Variants in ANXA4 observed in about 807,000 individuals in gnomAD.
ANXA4 encodes annexin A4, also known as 35-beta calcimedin.
In ANXA4, 39 loss-of-function variants were observed where a neutral mutation model predicts 49.8. That is an observed-to-expected ratio of 0.78 (90% confidence interval 0.61 to 1.02). The LOEUF (loss-of-function observed/expected upper bound fraction) is 1.02, where lower values mean the gene tolerates loss of function less well. Among genes scored for constraint, ANXA4 ranks in the 50% least tolerant of loss-of-function variants. ANXA4 has a pLI of 0.00. For synonymous variants in ANXA4, 134 were observed against 152.5 expected (o/e 0.88, Z 0.89); for missense variants, 360 against 410.1 (o/e 0.88, Z 1.05).
At chr2:69,736,096 G>A (rs1207510181) in intron 3 of ANXA4, among the ~76,000 whole-genome samples, 1 of 152,148 alleles carries the variant, frequency 6.6e-6, no homozygotes, top group African/African-American at 2.4e-5. Flanking sequence ...AGATGACCAG[G>A]TCTCCTTTTA....
At chr2:69,740,863 T>TTG (rs1670375744), upstream of ANXA4, among the ~76,000 whole-genome samples, 1 of 148,038 alleles carries the variant, frequency 6.8e-6, no homozygotes. Context: ...ATGTTTTTTT[T>TTG]TTTTTTTTTT....
At chr2:69,758,035 T>A (rs535350811) in intron 1 of ANXA4, among the ~76,000 whole-genome samples, 202 of 151,870 alleles carry the variant, frequency 1.3e-3, no homozygotes, top group Non-Finnish European at 2.2e-3. Flanking sequence ...CCCAATATTG[T>A]GTCTTACTCT....
In ANXA4 at chr2:69,785,197, C is replaced by T. The variant is rs568061669; in HGVS notation, c.10-2857C>T. On this transcript the variant is annotated intron_variant, in intron 2 of 12. Coordinates refer to ENST00000394295, the MANE Select transcript of ANXA4 (RefSeq NM_001153.5). ...GCCTGGTCTTGCAGCAGAGAAGGCCCGTGCCCTGGGTACCTGAGGACTTGG... is the reference window on the plus strand; with the variant it reads ...GCCTGGTCTTGCAGCAGAGAAGGCCTGTGCCCTGGGTACCTGAGGACTTGG... 2.9e-4 allele frequency among the ~76,000 whole-genome samples: 44 copies of T among 152,284 alleles called. No individual in the cohort carries two copies. The East Asian group carries it at 3.7e-3, about 13-fold the overall frequency.
intron 2 of ANXA4, among the ~76,000 whole-genome samples, chr2:69,782,008 C>T (rs1436652964): frequency 6.6e-6 from 1 of 152,140 alleles, no homozygotes; most frequent in Non-Finnish European, 1.5e-5. Context: ...TTGGCTGCCT[C>T]CTGCTTTAGA....
chr2:69,763,616 T>C (rs1671382416), intron 1 of ANXA4, among the ~76,000 whole-genome samples: 1 of 151,994 alleles, frequency 6.6e-6, no homozygotes, highest in Non-Finnish European at 1.5e-5. Flanking sequence ...GACAAACTGA[T>C]ATTATTTTTA....
At chr2:69,816,693 A>T (rs1674009022) in intron 9 of ANXA4, 1 of 152,492 alleles carries the variant, frequency 6.6e-6, no homozygotes, top group Non-Finnish European at 1.5e-5. Flanking sequence ...TGATAAATAT[A>T]AACTTTGTAA....
intron 2 of ANXA4, among the ~76,000 whole-genome samples, chr2:69,717,190 T>C (rs943937631): frequency 3.7e-4 from 56 of 152,286 alleles, no homozygotes; most frequent in African/African-American, 1.3e-3. Flanking sequence ...GCCCACTGAA[T>C]AGGAACATGC....
At chr2:69,795,290 G>A (rs1257329367) in intron 3 of ANXA4, among the ~76,000 whole-genome samples, 1 of 152,210 alleles carries the variant, frequency 6.6e-6, no homozygotes, top group African/African-American at 2.4e-5. Context: ...TCTGGCCGGA[G>A]GGATCCTTAC....
intron 2 of ANXA4, among the ~76,000 whole-genome samples, chr2:69,692,935 G>A (rs1366307192): frequency 6.6e-6 from 1 of 152,156 alleles, no homozygotes; most frequent in Non-Finnish European, 1.5e-5. Flanking sequence ...TACTCTAAGT[G>A]TGTATCACCC....
intron 3 of ANXA4, among the ~76,000 whole-genome samples, chr2:69,802,709 CAAAAA>C (rs777864730): frequency 8.2e-6 from 1 of 122,100 alleles, no homozygotes. Context: ...GACTCTGTCT[CAAAAA>C]AAAAAAAAAA....
intron 1 of ANXA4, among the ~76,000 whole-genome samples, chr2:69,763,695 C>T (rs941067396): frequency 5.4e-5 from 8 of 147,346 alleles, no homozygotes; most frequent in Non-Finnish European, 1.2e-4. Flanking sequence ...TAGAGTCTCG[C>T]TCTGTTGCCC....
At chr2:69,790,538 C>A (rs1351920878) in intron 3 of ANXA4, among the ~76,000 whole-genome samples, 1 of 152,116 alleles carries the variant, frequency 6.6e-6, no homozygotes, top group African/African-American at 2.4e-5. Flanking sequence ...AGGCCGTAAC[C>A]ATGACAACAG....
chr2:69,825,346 T>G, intron 12 of ANXA4, 110 bp from the exon 13 acceptor site: 2 of 827,952 alleles, frequency 2.4e-6, no homozygotes, highest in South Asian at 3.3e-5. Context: ...CAAAAAAAAT[T>G]TAAAGCTAAG....
chr2:69,725,194 C>T (rs540402829), intron 3 of ANXA4, among the ~76,000 whole-genome samples: 1 of 152,122 alleles, frequency 6.6e-6, no homozygotes, highest in Admixed American at 6.5e-5. Flanking sequence ...AATTCTGACT[C>T]AAGGTGACAT....
intron 2 of ANXA4, among the ~76,000 whole-genome samples, chr2:69,686,171 G>C (rs945307994): frequency 2.0e-5 from 3 of 151,044 alleles, no homozygotes; most frequent in African/African-American, 7.4e-5. Flanking sequence ...TTCGAGACAG[G>C]GTCTTGTTTT....
chr2:69,801,700 G>A (rs1160829692), intron 3 of ANXA4, among the ~76,000 whole-genome samples: 4 of 151,870 alleles, frequency 2.6e-5, no homozygotes, highest in Non-Finnish European at 5.9e-5. Context: ...TACCACACCC[G>A]ACCTGCCCTC....
chr2:69,812,532 G>A lies in ANXA4; in HGVS notation c.478-121G>A, dbSNP rs1231329119. 4.0e-6 allele frequency: 3 copies of A among 755,128 alleles called. No homozygotes were observed. In the African/African-American group the frequency reaches 5.3e-5, roughly 13 times the overall value. The allele number at this position is 755,128 out of a possible 1,614,324, so 46.8% of individuals were successfully genotyped here. The stretch of plus-strand genomic sequence containing the variant: ...GAGGACGTCTGTCCTCCCTCCCTGG[G>A]TCTGAAGCTCCAATTCTTGTGGTAT... On this transcript the variant is annotated intron_variant, in intron 7 of 12. Transcript: ENST00000394295.
chr2:69,769,286 T>C (rs967710319), intron 1 of ANXA4, among the ~76,000 whole-genome samples: 2 of 152,180 alleles, frequency 1.3e-5, no homozygotes, highest in African/African-American at 4.8e-5. Context: ...CCACTGTGAC[T>C]TTCCTTATTG....
chr2:69,804,459 A>G lies in ANXA4; in HGVS notation c.98-74A>G, dbSNP rs919161967. On this transcript the variant is annotated intron_variant, in intron 3 of 12. Coordinates refer to ENST00000394295, the MANE Select transcript of ANXA4 (RefSeq NM_001153.5). ...CTCTGCATGTGTTTGGGTAACTCCA[A>G]TGTCCACAGAGGAACCTGCTTTCTC... The G allele has an allele frequency of 9.5e-6, 13 of 1,364,332 alleles. No individual in the cohort carries two copies. The African/African-American group carries it at 1.0e-4, about 11-fold the overall frequency. 84.5% of individuals were successfully genotyped at this position (1,364,332 alleles called of 1,614,324 possible).
Sources: gnomAD v4.1 joint callset for allele counts (sites outside exome capture counted in the v4.1 genomes callset) on GRCh38, gnomAD v4.1.1 for gene constraint, MANE v1.5 for transcripts, NCBI Gene and HGNC (gene_info 2026-07-23, HGNC 2026-07-21) for gene names.